Variants in PRKX observed in about 807,000 individuals in gnomAD.
PRKX encodes the protein cAMP-dependent protein kinase catalytic subunit PRKX.
PRKX carries 12 observed loss-of-function variants against 22.0 expected under a neutral mutation model. That is an observed-to-expected ratio of 0.54 (90% CI 0.35 to 0.88). The LOEUF (loss-of-function observed/expected upper bound fraction) is 0.88, where lower values mean the gene tolerates loss of function less well. PRKX is among the 40% of genes least tolerant of loss of function. The pLI is 0.01. For synonymous variants in PRKX, 134 were observed against 137.7 expected (o/e 0.97, Z 0.19); for missense variants, 217 against 308.0 (o/e 0.70, Z 2.21).
chrX:3,712,925 G>A (rs894935178), intron 1 of PRKX, among the ~76,000 whole-genome samples, 163 bp downstream of exon 1: 17 of 112,670 alleles, frequency 1.5e-4, no homozygotes, highest in Non-Finnish European at 2.8e-4. Context: ...CTCCACCCGG[G>A]AAGACCCGGG....
chrX:3,694,326 T>TA (rs1232982305), intron 1 of PRKX, among the ~76,000 whole-genome samples: 1 of 109,875 alleles, frequency 9.1e-6, no homozygotes, highest in Non-Finnish European at 1.9e-5. Context: ...AGGCAGAGGT[T>TA]ACAGTGAGCC....
intron 1 of PRKX, among the ~76,000 whole-genome samples, chrX:3,679,690 T>C (rs1450392417): frequency 8.9e-6 from 1 of 112,192 alleles, no homozygotes; most frequent in Admixed American, 9.5e-5. Context: ...AAAAAGGACA[T>C]GCACCCATTC....
rs1197107284 is a variant in PRKX, at chrX:3,645,465, T to C, written c.600-3494A>G. On this transcript the variant is annotated intron_variant, in intron 3 of 8. Transcript: ENST00000262848. ...AGTGGGACCTTATGTGCAAACACGATCTTTGTAGCTGCAATCAAGTTAAGA... is the reference window on the plus strand; with the variant it reads ...AGTGGGACCTTATGTGCAAACACGACCTTTGTAGCTGCAATCAAGTTAAGA... 2.7e-5 allele frequency among the ~76,000 whole-genome samples: 3 copies of C among 112,162 alleles called. No individual in the cohort carries two copies. In the Admixed American group the frequency reaches 2.8e-4, roughly 11 times the overall value.
chrX:3,605,012 GACACACACACACACACACACACACACAC>G lies in PRKX; in HGVS notation c.*3929_*3956del, dbSNP rs745485596. 3.1e-4 allele frequency: 26 copies of G among 84,568 alleles called. No individual in the cohort carries two copies. The highest frequency in any genetic ancestry group is 7.5e-4 in the African/African-American group (17 of 22,556). 7.0% of individuals were successfully genotyped at this position (84,568 alleles called of 1,213,427 possible). ...AAATACAGCCCCTCACCTTCACCAA[GACACACACACACACACACACACACACAC>G]ACACACACACACACACACACCCCGC... On this transcript the variant is annotated 3_prime_UTR_variant, in exon 9 of 9. Coordinates refer to ENST00000262848, the MANE Select transcript of PRKX (RefSeq NM_005044.5).
chrX:3,617,150 ACT>A (rs1191848014), intron 6 of PRKX, among the ~76,000 whole-genome samples: 6 of 55,591 alleles, frequency 1.1e-4, no homozygotes, highest in East Asian at 8.8e-4. Context: ...ATATACACAT[ACT>A]TATATACATA....
At chrX:3,618,359 T>C (rs940207509) in intron 6 of PRKX, among the ~76,000 whole-genome samples, 2 of 111,575 alleles carry the variant, frequency 1.8e-5, no homozygotes, top group African/African-American at 6.5e-5. Flanking sequence ...GGCTCTTGCC[T>C]GTAATCCTAG....
chrX:3,660,486 C>T (rs1241686590), intron 2 of PRKX, among the ~76,000 whole-genome samples: 2 of 111,990 alleles, frequency 1.8e-5, no homozygotes, highest in East Asian at 5.6e-4. Context: ...TACACACACA[C>T]ATACAAACAC....
intron 2 of PRKX, 81 bp from the exon 3 acceptor site, chrX:3,655,493 G>T: frequency 9.4e-7 from 1 of 1,062,724 alleles, no homozygotes; most frequent in Non-Finnish European, 1.3e-6. Flanking sequence ...TTGGGGTACA[G>T]ATGCAGCTAG....
At chrX:3,638,914 T>C (rs1478678254) in intron 4 of PRKX, among the ~76,000 whole-genome samples, 3 of 103,819 alleles carry the variant, frequency 2.9e-5, no homozygotes, top group Non-Finnish European at 3.9e-5. Context: ...GAATGACAGA[T>C]AGATGATAGG....
chrX:3,638,449 C>G (rs1341722075), intron 4 of PRKX, among the ~76,000 whole-genome samples: 1 of 111,732 alleles, frequency 8.9e-6, no homozygotes, highest in African/African-American at 3.3e-5. Context: ...TACAACGATC[C>G]TCAGGCAATG....
At chrX:3,692,590 C>T (rs756801401) in intron 1 of PRKX, among the ~76,000 whole-genome samples, 25 of 103,800 alleles carry the variant, frequency 2.4e-4, no homozygotes, top group Admixed American at 6.4e-4. Flanking sequence ...TGCAGTGGCG[C>T]GATCTCAGCT....
At chrX:3,628,858 T>G (rs771853109) in intron 4 of PRKX, among the ~76,000 whole-genome samples, 2 of 111,283 alleles carry the variant, frequency 1.8e-5, no homozygotes, top group Admixed American at 9.6e-5. Flanking sequence ...CTGGCCAACA[T>G]GGTGAAACCC....
chrX:3,710,971 T>C (rs750351402), intron 1 of PRKX, among the ~76,000 whole-genome samples: 1 of 111,836 alleles, frequency 8.9e-6, no homozygotes, highest in African/African-American at 3.2e-5. Flanking sequence ...CTGCTGTAGA[T>C]TGTGGCTTAG....
At chrX:3,713,061 G>T in intron 1 of PRKX, 27 bp downstream of exon 1, 1 of 1,148,856 alleles carries the variant, frequency 8.7e-7, no homozygotes. Flanking sequence ...GCCCCTGTGG[G>T]CCGAGTCCCC....
intron 4 of PRKX, among the ~76,000 whole-genome samples, chrX:3,639,810 T>C (rs1276485707): frequency 9.0e-6 from 1 of 111,026 alleles, no homozygotes; most frequent in Non-Finnish European, 1.9e-5. Context: ...GGATTCACTT[T>C]CTTTATAAAA....
intron 2 of PRKX, among the ~76,000 whole-genome samples, chrX:3,663,917 C>T (rs954481155): frequency 9.0e-6 from 1 of 111,515 alleles, no homozygotes; most frequent in African/African-American, 3.3e-5. Flanking sequence ...GGCAGCAGCG[C>T]TTGGGAATCT....
intron 1 of PRKX, among the ~76,000 whole-genome samples, chrX:3,711,451 C>T (rs1170968663): frequency 8.9e-6 from 1 of 111,910 alleles, no homozygotes; most frequent in Non-Finnish European, 1.9e-5. Context: ...ACACCAGAAC[C>T]CCTCACCTCT....
intron 1 of PRKX, among the ~76,000 whole-genome samples, chrX:3,693,112 T>C (rs186086394): frequency 6.9e-4 from 76 of 109,989 alleles, no homozygotes; most frequent in Non-Finnish European, 1.0e-3. Flanking sequence ...GTCCCTCATT[T>C]AGTTTTGTTT....
intron 3 of PRKX, among the ~76,000 whole-genome samples, chrX:3,648,872 A>G (rs1340890284): frequency 9.1e-6 from 1 of 110,213 alleles, no homozygotes; most frequent in Non-Finnish European, 1.9e-5. Flanking sequence ...TGAGGCCAGG[A>G]GTTCAAGACT....
Sources: gnomAD v4.1 joint callset for allele counts (sites outside exome capture counted in the v4.1 genomes callset) on GRCh38, gnomAD v4.1.1 for gene constraint, MANE v1.5 for transcripts, NCBI Gene and HGNC (gene_info 2026-07-23, HGNC 2026-07-21) for gene names.